Variants in NOP53 observed in about 807,000 individuals in gnomAD.
NOP53 encodes NOP53 ribosome biogenesis factor.
NOP53 carries 40 observed loss-of-function variants against 61.0 expected under a neutral mutation model. The ratio of observed to expected loss-of-function variants is 0.66; its 90% CI spans 0.51 to 0.85. NOP53 has a LOEUF of 0.85. NOP53 is among the 40% of genes least tolerant of loss of function. The pLI, the probability that NOP53 is intolerant of heterozygous loss-of-function variation, is 0.00. For missense variants in NOP53, 689 were observed against 652.9 expected, an observed-to-expected ratio of 1.06 and a Z score of -0.60; for synonymous variants, 308 against 289.5, an observed-to-expected ratio of 1.06 and a Z score of -0.65.
Position 47,750,285 on chromosome 19 carries a change from G to A in NOP53, c.397G>A (p.Asp133Asn), listed in dbSNP as rs768363610. ...CACATCCAAAGTCCCTGCCCCCAAA[G>A]AGTGAGTGTCCCAGCATCCCTGGGC... is the stretch of plus-strand genomic sequence containing the variant. Reference protein sequence around the residue: ...ENTSKVPAPKDVLAHQVPNAK... With the variant: ...ENTSKVPAPKNVLAHQVPNAK... Residue 133 changes from aspartate (D) to asparagine (N), a missense_variant and splice_region_variant, in exon 3 of 13, where the codon GAC becomes AAC. Physicochemically the swap from Asp to Asn is conservative, Grantham distance 23 (BLOSUM62 1). Coordinates refer to ENST00000246802, the MANE Select transcript of NOP53 (RefSeq NM_015710.5). The A allele has an allele frequency of 4.0e-5, 62 of 1,566,188 alleles. No individual in the cohort carries two copies. The highest frequency in any genetic ancestry group is 5.3e-5 in the Non-Finnish European group (60 of 1,136,448).
intron 5 of NOP53, among the ~76,000 whole-genome samples, chr19:47,752,114 AAAAAT>A (rs201693160): frequency 0.02 from 2,970 of 152,088 alleles, 91 homozygotes; most frequent in African/African-American, 0.067. Context: ...TCTCAAAAAA[AAAAAT>A]AAAATAAAAT....
At position 47,750,887 on chromosome 19, in the gene NOP53, G is replaced by C. The variant is rs373295098; in HGVS notation, c.399-21G>C. The C allele has an allele frequency of 3.8e-5, 59 of 1,563,208 alleles. No individual in the cohort carries two copies. In the African/African-American group the frequency reaches 7.4e-4, roughly 20 times the overall value. ...GGCTGCCACCTCACCTGCTGCACTT[G>C]TGCCCCCTCTCCCCGACCAGCGTCC... is the stretch of plus-strand genomic sequence containing the variant. On this transcript the variant is annotated intron_variant, in intron 3 of 12. Coordinates refer to ENST00000246802, the MANE Select transcript of NOP53 (RefSeq NM_015710.5).
chr19:47,751,583 G>A lies in NOP53; in HGVS notation c.662G>A (p.Gly221Glu). ...EFFLEQTKKK[G>E]VKRPARLHTK... ...TTCCTGGAGCAGACCAAGAAGAAAG[G>A]AGTGAAGGTGAGATGTGTGGGAAGG... The change falls in exon 5 of 13, where the codon GGA becomes GAA. Residue 221 changes from glycine (G) to glutamate (E), a missense_variant. Gly to Glu is a moderately conservative substitution (Grantham distance 98). Transcript: ENST00000246802. 1 of 1,613,626 alleles carries A rather than the reference G, an allele frequency of 6.2e-7. No individual in the cohort carries two copies. Among genetic ancestry groups the A allele is most frequent in the Non-Finnish European group, 8.5e-7 (1 of 1,179,650 alleles).
chr19:47,756,365 A>G (rs1967197878), intron 10 of NOP53, 163 bp from the exon 11 acceptor site: 2 of 610,890 alleles, frequency 3.3e-6, no homozygotes, highest in South Asian at 3.9e-5. Flanking sequence ...CTGTCATCCC[A>G]ACACTGAGCC....
At chr19:47,750,791 T>C (rs554775412) in intron 3 of NOP53, 117 bp from the exon 4 acceptor site, 1 of 808,562 alleles carries the variant, frequency 1.2e-6, no homozygotes, top group South Asian at 1.5e-5. Flanking sequence ...TGCCACCTTT[T>C]GGAGAGGGGG....
rs149021759 is a variant in NOP53, at chr19:47,747,018, C to T, written c.276C>T (p.Gly92=). The change falls in exon 2 of 13, where the codon GGC becomes GGT. Residue 92 remains glycine (G), a synonymous_variant. Coordinates refer to ENST00000246802, the MANE Select transcript of NOP53 (RefSeq NM_015710.5). ...PNEKLFFVDT[G]SKEKGLTKKR... Reference sequence around the variant, plus strand: ...AAAAACTCTTCTTCGTGGACACTGGCTCCAAGGAAAAAGGTGAGGAGAGGC... The same window carrying T: ...AAAAACTCTTCTTCGTGGACACTGGTTCCAAGGAAAAAGGTGAGGAGAGGC... 3.5e-4 allele frequency: 570 copies of T among 1,613,422 alleles called. 2 individuals carry two copies. Among genetic ancestry groups the T allele is most frequent in the African/African-American group, 2.1e-3 (157 of 74,994 alleles).
Position 47,754,817 on chromosome 19 carries a change from A to G in NOP53, c.979A>G (p.Thr327Ala), listed in dbSNP as rs1293760998. ...GGCTGGGGATGCCGAGGTCTGTCCCACGCCCGCCCGCCTGGCCACCACAGA... is the reference window on the plus strand; with the variant it reads ...GGCTGGGGATGCCGAGGTCTGTCCCGCGCCCGCCCGCCTGGCCACCACAGA... Reference protein sequence around the residue: ...PEAGDAEVCPTPARLATTEKK... With the variant: ...PEAGDAEVCPAPARLATTEKK... The change falls in exon 8 of 13, where the codon ACG becomes GCG. Residue 327 changes from threonine to alanine, a missense_variant. Physicochemically the swap from Thr to Ala is moderately conservative, Grantham distance 58 (BLOSUM62 0). Transcript: ENST00000246802. This position sits in a 1 kb window ranked among gnomAD's most constrained non-coding sequence, Gnocchi z 4.2. The G allele has an allele frequency of 6.5e-7, 1 of 1,533,474 alleles. No homozygotes were observed. The allele number at this position is 1,533,474 out of a possible 1,614,324, so 95.0% of individuals were successfully genotyped here. A position where few individuals can be genotyped will look rare whatever the true frequency, so the allele number is the denominator to read the frequency against.
At chr19:47,750,410 C>G (rs3786780) in intron 3 of NOP53, 124 bp downstream of exon 3, 344,365 of 661,366 alleles carry the variant, frequency 0.52, 95,413 homozygotes, top group South Asian at 0.62. Flanking sequence ...GTTTGGGCTT[C>G]GGAGTGCAGA....
chr19:47,746,958 G>C lies in NOP53; in HGVS notation c.225-9G>C. 1.9e-6 allele frequency: 3 copies of C among 1,611,704 alleles called. No homozygotes were observed. Among genetic ancestry groups the C allele is most frequent in the Non-Finnish European group, 2.5e-6 (3 of 1,177,962 alleles). On this transcript the variant is annotated splice_polypyrimidine_tract_variant and intron_variant, in intron 1 of 12. Coordinates refer to ENST00000246802, the MANE Select transcript of NOP53 (RefSeq NM_015710.5). Reference sequence around the variant, plus strand: ...TCTCTGGCTGATGTTCTGCATTTCTGTCCCCCAGTGGCTTGTTGTCAGAGG... The same window carrying C: ...TCTCTGGCTGATGTTCTGCATTTCTCTCCCCCAGTGGCTTGTTGTCAGAGG...
At chr19:47,752,308 G>A (rs1310429672) in intron 5 of NOP53, among the ~76,000 whole-genome samples, 2 of 152,030 alleles carry the variant, frequency 1.3e-5, no homozygotes, top group Admixed American at 6.6e-5. Flanking sequence ...TACAATCTCC[G>A]GGGCTCAGCC....
chr19:47,749,773 A>T (rs1457508932), intron 2 of NOP53, among the ~76,000 whole-genome samples: 1 of 150,880 alleles, frequency 6.6e-6, no homozygotes, highest in Non-Finnish European at 1.5e-5. Context: ...CTGAGATGAG[A>T]TCTCACTATG....
chr19:47,756,764 G>A lies in NOP53; in HGVS notation c.1430+20G>A, dbSNP rs1967206191. On this transcript the variant is annotated intron_variant, in intron 12 of 12. Coordinates refer to ENST00000246802, the MANE Select transcript of NOP53 (RefSeq NM_015710.5). ...GATCCAGTGAGTCCACCCGGCTTCGGCGCAAGGAAGGGAGCCCTTCTCCCA... is the reference window on the plus strand; with the variant it reads ...GATCCAGTGAGTCCACCCGGCTTCGACGCAAGGAAGGGAGCCCTTCTCCCA... The A allele has an allele frequency of 1.2e-6, 2 of 1,612,086 alleles. No homozygotes were observed. Among genetic ancestry groups the A allele is most frequent in the Non-Finnish European group, 8.5e-7 (1 of 1,179,242 alleles).
intron 9 of NOP53, 30 bp downstream of exon 9, chr19:47,755,553 G>T (rs1214389583): frequency 6.9e-7 from 1 of 1,459,184 alleles, no homozygotes; most frequent in Non-Finnish European, 9.1e-7. Flanking sequence ...TTCTGGGAGA[G>T]GCTGGGGAGG....
rs1186362879 is a variant in NOP53 at position 47,756,799 on chromosome 19, G to C, written c.1430+55G>C. 17 of 1,581,808 alleles carry C rather than the reference G, an allele frequency of 1.1e-5. No homozygotes were observed. The South Asian group carries it at 1.9e-4, about 17-fold the overall frequency. On this transcript the variant is annotated intron_variant, in intron 12 of 12. Coordinates refer to ENST00000246802, the MANE Select transcript of NOP53 (RefSeq NM_015710.5). ...GGGAGCCCTTCTCCCACCCCGTGGT[G>C]CCCACCGAGTCCCAGGGCCCCTTCC...
At chr19:47,755,598 T>G (rs1266000189) in intron 9 of NOP53, 75 bp downstream of exon 9, 5 of 1,412,304 alleles carry the variant, frequency 3.5e-6, no homozygotes, top group Non-Finnish European at 4.7e-6. Flanking sequence ...CTTCCTGCCT[T>G]TGTTCAGGAA....
chr19:47,752,203 C>T (rs937683153), intron 5 of NOP53, among the ~76,000 whole-genome samples: 5 of 152,270 alleles, frequency 3.3e-5, no homozygotes, highest in East Asian at 1.9e-4. Context: ...AGGTGGAGCC[C>T]GTGCTGGCAA....
chr19:47,745,714 C>T lies in NOP53; in HGVS notation c.155C>T (p.Ala52Val). 1 of 1,610,950 alleles carries T rather than the reference C, an allele frequency of 6.2e-7. No individual in the cohort carries two copies. The highest frequency in any genetic ancestry group is 1.1e-5 in the South Asian group (1 of 90,984). Residue 52 changes from alanine to valine, a missense_variant, in exon 1 of 13, where the codon GCT becomes GTT. Ala to Val is a moderately conservative substitution (Grantham distance 64, BLOSUM62 0). Transcript: ENST00000246802. The stretch of plus-strand genomic sequence containing the variant: ...AAGAAGCGGGGCTGGCGGCGGCTTG[C>T]TCAGGAGCCGCTGGGGCTGGAGGTT... ...RNKKRGWRRL[A>V]QEPLGLEVDQ... is the part of the protein sequence containing the mutation.
rs142744872 is a variant in NOP53 at position 47,750,987 on chromosome 19, G to A, written c.478G>A (p.Glu160Lys). 44 of 1,595,772 alleles carry A rather than the reference G, an allele frequency of 2.8e-5. No individual in the cohort carries two copies. The highest frequency in any genetic ancestry group is 3.6e-5 in the Non-Finnish European group (42 of 1,172,372). ...ATGGGAGAAGCTGGCCAAGCAGGGC[G>A]AGCTGCCCCGGGAGGTGCGCAGGGC... is the stretch of plus-strand genomic sequence containing the variant. The part of the protein sequence containing the change: ...QLWEKLAKQG[E>K]LPREVRRAQA... Residue 160 changes from glutamate to lysine, a missense_variant, in exon 4 of 13, where the codon GAG (glutamate) becomes AAG (lysine). Transcript: ENST00000246802.
chr19:47,755,506 A>T lies in NOP53; in HGVS notation c.1212A>T (p.Arg404=). 2 of 1,473,244 alleles carry T rather than the reference A, an allele frequency of 1.4e-6. No homozygotes were observed. The highest frequency in any genetic ancestry group is 9.0e-7 in the Non-Finnish European group (1 of 1,116,904). The allele number at this position is 1,473,244 out of a possible 1,614,324, so 91.3% of individuals were successfully genotyped here. The change falls in exon 9 of 13, where the codon CGA becomes CGT. Residue 404 remains arginine, a synonymous_variant. Coordinates refer to ENST00000246802, the MANE Select transcript of NOP53 (RefSeq NM_015710.5). ...ARREAEADKP[R]RLGRLKYQAP... ...GGGAGGCTGAGGCTGACAAGCCCCG[A>T]AGGCTGGGGCGGCTCAAGTGAGAAC... is the stretch of plus-strand genomic sequence containing the variant.
Sources: allele counts gnomAD v4.1 joint callset (sites outside exome capture counted in the v4.1 genomes callset), GRCh38; gene constraint gnomAD v4.1.1; non-coding constraint Gnocchi (gnomAD v3.1); transcripts MANE v1.5; gene names NCBI Gene and HGNC (gene_info 2026-07-23, HGNC 2026-07-21).